Variants in SRFBP1 observed in about 807,000 individuals in gnomAD.
The protein encoded by SRFBP1 is serum response factor-binding protein 1.
SRFBP1 carries 47 observed loss-of-function variants against 45.5 expected under a neutral mutation model. The observed-to-expected ratio is 1.03, with a 90% CI of 0.82 to 1.32. The LOEUF is 1.32. Among genes scored for constraint, SRFBP1 ranks in the 40% most tolerant of loss-of-function variants. SRFBP1 has a pLI of 0.00. For missense variants in SRFBP1, 621 were observed against 484.6 expected, an observed-to-expected ratio of 1.28 and a Z score of -2.64; for synonymous variants, 203 against 166.3, an observed-to-expected ratio of 1.22 and a Z score of -1.70.
intron 7 of SRFBP1, among the ~76,000 whole-genome samples, chr5:122,023,842 T>C (rs1200947160): frequency 1.3e-5 from 2 of 152,242 alleles, no homozygotes; most frequent in Non-Finnish European, 2.9e-5. Context: ...AGTCCGTCTG[T>C]GGGCTAGTTA....
intron 4 of SRFBP1, among the ~76,000 whole-genome samples, chr5:122,011,174 G>A (rs1364790041): frequency 6.6e-6 from 1 of 152,090 alleles, no homozygotes; most frequent in Non-Finnish European, 1.5e-5. Context: ...ATTTTAGGTA[G>A]CATTTCAAAG....
chr5:122,044,513 T>C lies in SRFBP1; in HGVS notation n.311+22106T>C, dbSNP rs1386853650. Among the ~76,000 whole-genome samples, 3 of 151,276 alleles carry C rather than the reference T, an allele frequency of 2.0e-5. No homozygotes were observed. The South Asian group carries it at 6.3e-4, about 32-fold the overall frequency. ...TTCTCCACAACCTTGCCAGCATCTA[T>C]TATTTTTTTTTTTTACTTTTTAATA... On this transcript the variant is annotated intron_variant and non_coding_transcript_variant, in intron 2 of 2. Transcript: ENST00000504881.
downstream of SRFBP1, chr5:122,077,662 G>T: frequency 6.2e-7 from 1 of 1,606,486 alleles, no homozygotes. This position sits in a 1 kb window ranked among gnomAD's most constrained non-coding sequence, Gnocchi z 4.9. Flanking sequence ...CTCCAGATGA[G>T]CCGGCCGTCC....
downstream of SRFBP1, chr5:122,075,708 C>T (rs1344359490): frequency 4.4e-6 from 2 of 456,134 alleles, no homozygotes; most frequent in African/African-American, 2.0e-5. Flanking sequence ...TTGCTGAATC[C>T]AAAGCTCCTA....
intron 3 of SRFBP1, among the ~76,000 whole-genome samples, chr5:121,987,396 G>A (rs907421760): frequency 7.9e-5 from 12 of 152,124 alleles, no homozygotes; most frequent in Non-Finnish European, 1.6e-4. Flanking sequence ...GCAATATGAT[G>A]ATAGAGTATA....
intron 2 of SRFBP1, chr5:122,065,832 TG>T (rs1255182547): frequency 4.6e-5 from 7 of 152,208 alleles, no homozygotes; most frequent in Admixed American, 3.9e-4. Flanking sequence ...GCAAGAAAAT[TG>T]TATCTTTGGC....
At chr5:121,978,246 G>A (rs1752344101) in intron 3 of SRFBP1, among the ~76,000 whole-genome samples, 1 of 152,106 alleles carries the variant, frequency 6.6e-6, no homozygotes, top group African/African-American at 2.4e-5. Context: ...AGAAACTCAA[G>A]CTTAGAGAAA....
intron 3 of SRFBP1, among the ~76,000 whole-genome samples, 172 bp from the exon 4 acceptor site, chr5:121,994,427 C>T (rs6881877): frequency 0.038 from 5,828 of 151,878 alleles, 323 homozygotes; most frequent in African/African-American, 0.12. Context: ...ATTCACATTC[C>T]GTTATATTCC....
At chr5:122,073,832 G>A (rs1427526034) in intron 2 of SRFBP1, among the ~76,000 whole-genome samples, 6 of 152,190 alleles carry the variant, frequency 3.9e-5, no homozygotes, top group Non-Finnish European at 8.8e-5. Context: ...AGAGAGGTGA[G>A]AGGAAAGAAA....
downstream of SRFBP1, chr5:122,076,776 G>C: frequency 1.2e-6 from 1 of 818,128 alleles, no homozygotes. Flanking sequence ...CCACTTCCCA[G>C]CTCTTGTCCC....
At chr5:122,029,497 T>C (rs557953516), downstream of SRFBP1, among the ~76,000 whole-genome samples, 4 of 152,302 alleles carry the variant, frequency 2.6e-5, no homozygotes, top group East Asian at 7.7e-4. Flanking sequence ...AAAGAACCCT[T>C]CTACAGAGCT....
intron 2 of SRFBP1, among the ~76,000 whole-genome samples, chr5:122,041,981 G>A (rs933166388): frequency 2.0e-5 from 3 of 152,016 alleles, no homozygotes; most frequent in African/African-American, 7.2e-5. Context: ...TTACTGAAGT[G>A]TATTTTTTTT....
chr5:122,065,025 A>G (rs909348581), intron 2 of SRFBP1: 5 of 152,108 alleles, frequency 3.3e-5, no homozygotes, highest in African/African-American at 9.7e-5. Context: ...ATCATTCTAC[A>G]ATCTTAGAAC....
In SRFBP1 at chr5:122,027,308, A is replaced by G. The variant is rs1468516087; in HGVS notation, c.*182A>G. The G allele has an allele frequency of 4.5e-6, 2 of 448,024 alleles. No homozygotes were observed. The highest frequency in any genetic ancestry group is 7.9e-6 in the Non-Finnish European group (2 of 251,760). The allele number at this position is 448,024 out of a possible 1,614,324, so 27.8% of individuals were successfully genotyped here. ...CCCAAAGGGCTGGGACTGCAGGTGC[A>G]TGCACTACCATGCCCAGCTTTCTCA... On this transcript the variant is annotated 3_prime_UTR_variant, in exon 8 of 8. Transcript: ENST00000339397.
chr5:122,019,631 ACT>A (rs1753261054), intron 5 of SRFBP1, among the ~76,000 whole-genome samples: 1 of 150,926 alleles, frequency 6.6e-6, no homozygotes, highest in South Asian at 2.1e-4. Context: ...TATTGACATA[ACT>A]CATTAGTTTT....
chr5:121,975,126 A>T (rs116677943), intron 2 of SRFBP1, among the ~76,000 whole-genome samples, 189 bp from the exon 3 acceptor site: 409 of 152,076 alleles, frequency 2.7e-3, no homozygotes, highest in Non-Finnish European at 4.3e-3. Flanking sequence ...ATTTTCCAAC[A>T]TATGGGTTTG....
chr5:122,076,970 G>A (rs1345763600), downstream of SRFBP1: 10 of 1,613,892 alleles, frequency 6.2e-6, no homozygotes, highest in East Asian at 4.5e-5. Context: ...ACGCCTGGAT[G>A]TAGTAGGGGT....
intron 3 of SRFBP1, among the ~76,000 whole-genome samples, chr5:121,975,796 T>G (rs926071470): frequency 3.3e-5 from 5 of 152,010 alleles, no homozygotes; most frequent in Non-Finnish European, 5.9e-5. Context: ...CAATAAATTT[T>G]TATGTATTGG....
intron 2 of SRFBP1, among the ~76,000 whole-genome samples, chr5:122,053,847 C>T (rs1452550626): frequency 1.3e-5 from 2 of 152,082 alleles, no homozygotes; most frequent in Non-Finnish European, 2.9e-5. Flanking sequence ...AGTCACATGC[C>T]CTGCCACCCA....
Sources: allele counts gnomAD v4.1 joint callset (sites outside exome capture counted in the v4.1 genomes callset), GRCh38; gene constraint gnomAD v4.1.1; non-coding constraint Gnocchi (gnomAD v3.1); transcripts MANE v1.5; gene names NCBI Gene and HGNC (gene_info 2026-07-23, HGNC 2026-07-21).